PDE3B: variants seen among roughly 807,000 people sequenced by gnomAD.
PDE3B encodes phosphodiesterase 3B.
PDE3B carries 66 observed loss-of-function variants against 116.8 expected under a neutral mutation model. That is an observed-to-expected ratio of 0.56 (90% CI 0.46 to 0.69). The LOEUF (loss-of-function observed/expected upper bound fraction) is 0.69, where lower values mean the gene tolerates loss of function less well. Among genes scored for constraint, PDE3B ranks in the 30% least tolerant of loss-of-function variants. The pLI, the probability that PDE3B is intolerant of heterozygous loss-of-function variation, is 0.00. For synonymous variants in PDE3B, 595 were observed against 533.6 expected, an observed-to-expected ratio of 1.12 and a Z score of -1.59; for missense variants, 1,384 against 1,368.1, an observed-to-expected ratio of 1.01 and a Z score of -0.18.
At chr11:14,716,045 G>C (rs1051369209) in intron 1 of PDE3B, among the ~76,000 whole-genome samples, 6 of 152,086 alleles carry the variant, frequency 3.9e-5, no homozygotes, top group African/African-American at 1.4e-4. Context: ...GACAGTGGGC[G>C]CAGGCCAGTG....
intron 7 of PDE3B, among the ~76,000 whole-genome samples, chr11:14,825,384 T>C (rs749729892): frequency 1.3e-5 from 2 of 152,130 alleles, no homozygotes; most frequent in Non-Finnish European, 2.9e-5. Flanking sequence ...ATACACTGTC[T>C]TCAAGAGACC....
intron 1 of PDE3B, among the ~76,000 whole-genome samples, chr11:14,667,920 A>C (rs1001655251): frequency 6.6e-6 from 1 of 152,102 alleles, no homozygotes; most frequent in Non-Finnish European, 1.5e-5. Context: ...GTAAGAGCTC[A>C]AATAGCTATT....
Position 14,644,712 on chromosome 11 carries a change from C to A in PDE3B, c.637C>A (p.Pro213Thr). 6.5e-7 allele frequency: 1 copy of A among 1,534,272 alleles called. No homozygotes were observed. Among genetic ancestry groups the A allele is most frequent in the South Asian group, 1.2e-5 (1 of 82,016 alleles). ...AGGGCTGCTGCTGACGCTCGCGCAC[C>A]CGCTGCGGCTCCGGCACTGCGTTCT... is the stretch of plus-strand genomic sequence containing the variant. ...CVGLLLTLAHPLRLRHCVLVL... is the reference protein window; with the variant it reads ...CVGLLLTLAHTLRLRHCVLVL... The change falls in exon 1 of 16, where the codon CCG (proline) becomes ACG (threonine). Residue 213 changes from proline to threonine, a missense_variant. Physicochemically the swap from Pro to Thr is conservative, Grantham distance 38. This residue lies in a region of PDE3B where 956 missense variants were observed against 806.8 expected (regional missense o/e 1.18). Coordinates refer to ENST00000282096, the MANE Select transcript of PDE3B (RefSeq NM_000922.4).
At chr11:14,721,485 T>G (rs1856078517) in intron 1 of PDE3B, among the ~76,000 whole-genome samples, 1 of 151,658 alleles carries the variant, frequency 6.6e-6, no homozygotes, top group Non-Finnish European at 1.5e-5. Context: ...GTATGTTTAT[T>G]GTGGCATTAT....
intron 1 of PDE3B, among the ~76,000 whole-genome samples, chr11:14,767,934 A>C (rs1283813409): frequency 1.3e-5 from 2 of 151,156 alleles, no homozygotes; most frequent in African/African-American, 2.4e-5. Context: ...ATGTAATCTA[A>C]TACTACGGAG....
intron 5 of PDE3B, among the ~76,000 whole-genome samples, chr11:14,807,156 A>G (rs184142384): frequency 9.5e-4 from 144 of 152,270 alleles, no homozygotes; most frequent in African/African-American, 3.3e-3. Flanking sequence ...TACCTAATGT[A>G]TATGACGAGT....
intron 1 of PDE3B, among the ~76,000 whole-genome samples, chr11:14,738,302 A>T (rs1284365182): frequency 6.6e-6 from 1 of 152,216 alleles, no homozygotes; most frequent in African/African-American, 2.4e-5. Context: ...CTTTTTAGTG[A>T]TCGCCATTCT....
chr11:14,862,925 G>A (rs1455408392), intron 14 of PDE3B, among the ~76,000 whole-genome samples: 1 of 151,358 alleles, frequency 6.6e-6, no homozygotes, highest in Non-Finnish European at 1.5e-5. Flanking sequence ...TGGGACACAT[G>A]TGCAGAAGGT....
intron 1 of PDE3B, among the ~76,000 whole-genome samples, chr11:14,664,459 A>C (rs904373386): frequency 1.3e-5 from 2 of 152,236 alleles, no homozygotes; most frequent in Non-Finnish European, 2.9e-5. Flanking sequence ...AACACTTCAA[A>C]AAATCAATGA....
chr11:14,777,545 GTAA>G (rs1857824841), intron 2 of PDE3B, among the ~76,000 whole-genome samples: 1 of 152,296 alleles, frequency 6.6e-6, no homozygotes, highest in African/African-American at 2.4e-5. Context: ...ACCAATTCAA[GTAA>G]TAGCAGATTT....
intron 1 of PDE3B, among the ~76,000 whole-genome samples, chr11:14,705,078 A>C (rs1855489340): frequency 6.6e-6 from 1 of 151,802 alleles, no homozygotes; most frequent in African/African-American, 2.4e-5. Flanking sequence ...ACATTCTAGA[A>C]GATTTGAACA....
intron 1 of PDE3B, among the ~76,000 whole-genome samples, chr11:14,659,723 T>G (rs1464892457): frequency 1.3e-5 from 2 of 152,198 alleles, no homozygotes; most frequent in Admixed American, 6.5e-5. Flanking sequence ...TCAAGTACAT[T>G]TTTGTCAGGT....
intron 1 of PDE3B, among the ~76,000 whole-genome samples, chr11:14,756,562 C>T (rs1162975466): frequency 6.6e-6 from 1 of 152,102 alleles, no homozygotes; most frequent in African/African-American, 2.4e-5. Flanking sequence ...TCCCGTAGTC[C>T]TAATCCTGCC....
At chr11:14,802,165 G>A (rs1019350378) in intron 4 of PDE3B, among the ~76,000 whole-genome samples, 1 of 152,156 alleles carries the variant, frequency 6.6e-6, no homozygotes, top group African/African-American at 2.4e-5. Context: ...GGCGTTCCAG[G>A]TGCCCCTGTG....
chr11:14,850,622 C>T (rs1286005453), intron 12 of PDE3B, among the ~76,000 whole-genome samples: 8 of 152,082 alleles, frequency 5.3e-5, no homozygotes, highest in South Asian at 2.1e-4. Context: ...GCCTTAATAC[C>T]AGAGCTAAAA....
In PDE3B at chr11:14,814,520, A is replaced by C. The variant is rs538006647; in HGVS notation, c.1523-3663A>C. 2.0e-5 allele frequency among the ~76,000 whole-genome samples: 3 copies of C among 152,342 alleles called. No homozygotes were observed. In the South Asian group the frequency reaches 6.2e-4, roughly 32 times the overall value. ...GCATCAAAAGCCACCAATTACGTAG[A>C]GATAAATTTAATAAAAAATATGCAA... On this transcript the variant is annotated intron_variant, in intron 5 of 15. Transcript: ENST00000282096.
At chr11:14,819,054 A>G in intron 6 of PDE3B, 82 bp from the exon 7 acceptor site, 1 of 838,570 alleles carries the variant, frequency 1.2e-6, no homozygotes, top group South Asian at 1.8e-5. Context: ...TTGGTTAAAA[A>G]TTAAACAGAT....
the PDE3B span, chr11:14,880,542 T>A: frequency 6.2e-7 from 1 of 1,613,480 alleles, no homozygotes; most frequent in Non-Finnish European, 8.5e-7. Context: ...AAGTGAATCG[T>A]TCTCCAAAAA....
chr11:14,872,672 T>A (rs987299788), downstream of PDE3B, among the ~76,000 whole-genome samples: 36 of 152,188 alleles, frequency 2.4e-4, no homozygotes, highest in African/African-American at 8.4e-4. Flanking sequence ...TCCCTTGTTA[T>A]ATGTGGGGGA....
Sources: allele counts gnomAD v4.1 joint callset (sites outside exome capture counted in the v4.1 genomes callset), GRCh38; gene constraint gnomAD v4.1.1; regional missense constraint gnomAD v4.1.1; transcripts MANE v1.5; gene names NCBI Gene and HGNC (gene_info 2026-07-23, HGNC 2026-07-21).